ABCG1: variants seen among roughly 807,000 people sequenced by gnomAD.
ABCG1 encodes the protein ATP-binding cassette sub-family G member 1.
In ABCG1, 29 loss-of-function variants were observed where a neutral mutation model predicts 69.2. The ratio of observed to expected loss-of-function variants is 0.42; its 90% CI spans 0.31 to 0.57. ABCG1 has a LOEUF of 0.57. Among genes scored for constraint, ABCG1 ranks in the 20% least tolerant of loss-of-function variants. ABCG1 has a pLI of 0.15. For synonymous variants in ABCG1, 370 were observed against 374.8 expected (o/e 0.99, Z 0.15); for missense variants, 718 against 898.1 (o/e 0.80, Z 2.56).
chr21:42,284,294 C>G (rs926281189), intron 6 of ABCG1, among the ~76,000 whole-genome samples: 2 of 150,408 alleles, frequency 1.3e-5, no homozygotes, highest in Admixed American at 6.6e-5. Context: ...GACCCCCCCC[C>G]AGTCCTGGAC....
At chr21:42,294,513 A>T in intron 13 of ABCG1, 29 bp from the exon 14 acceptor site, 2 of 1,574,256 alleles carry the variant, frequency 1.3e-6, no homozygotes, top group Non-Finnish European at 1.7e-6. Flanking sequence ...AGGTTCTGCT[A>T]CATCTGTCCT....
At position 42,276,746 on chromosome 21, in the gene ABCG1, C is replaced by A; in HGVS notation, c.538-149C>A. 1.3e-6 allele frequency: 1 copy of A among 742,072 alleles called. No homozygotes were observed. The highest frequency in any genetic ancestry group is 2.3e-6 in the Non-Finnish European group (1 of 434,566). 46.0% of individuals were successfully genotyped at this position (742,072 alleles called of 1,614,324 possible). A position where few individuals can be genotyped will look rare whatever the true frequency, so the allele number is the denominator to read the frequency against. On this transcript the variant is annotated intron_variant, in intron 4 of 14. Coordinates refer to ENST00000398449, the MANE Select transcript of ABCG1 (RefSeq NM_016818.3). The surrounding 1 kb of genome is among the most constrained non-coding windows in gnomAD (Gnocchi z 5.3). ...CCGTGGCTAGCGGCATTGTGGCTAG[C>A]TGCACTGTGGGTAGCTGCACCGTGG...
chr21:42,284,555 T>G lies in ABCG1; in HGVS notation c.735-5T>G. ...AGGCGTCTCACGGTGCCTCTTGACT[T>G]GCAGCGGCCTGGACAGCGCCTCCTG... On this transcript the variant is annotated splice_region_variant and splice_polypyrimidine_tract_variant and intron_variant, in intron 6 of 14. Coordinates refer to ENST00000398449, the MANE Select transcript of ABCG1 (RefSeq NM_016818.3). 6.2e-7 allele frequency: 1 copy of G among 1,612,672 alleles called. No homozygotes were observed. The highest frequency in any genetic ancestry group is 1.1e-5 in the South Asian group (1 of 91,072).
At position 42,219,222 on chromosome 21, in the gene ABCG1, C is replaced by CCCCCCG; in HGVS notation, c.-39_-38insCCCGCC. On this transcript the variant is annotated 5_prime_UTR_variant, in exon 1 of 15. Transcript: ENST00000398449. The surrounding 1 kb of genome is among the most constrained non-coding windows in gnomAD (Gnocchi z 5.3). ...TCGGCCCCGCAGCTCAAGCCTCGTCCCCGCCGCCGCCGCCGCCGCCGCCGC... is the reference window on the plus strand; with the variant it reads ...TCGGCCCCGCAGCTCAAGCCTCGTCCCCCCCGCCGCCGCCGCCGCCGCCGCCGCCGC... The CCCCCCG allele has an allele frequency of 6.8e-7, 1 of 1,474,026 alleles. No homozygotes were observed. Among genetic ancestry groups the CCCCCCG allele is most frequent in the Admixed American group, 2.2e-5 (1 of 45,340 alleles). The allele number at this position is 1,474,026 out of a possible 1,614,324, so 91.3% of individuals were successfully genotyped here. A position where few individuals can be genotyped will look rare whatever the true frequency, so the allele number is the denominator to read the frequency against.
chr21:42,280,695 G>T (rs967111321), intron 5 of ABCG1, among the ~76,000 whole-genome samples: 1 of 152,210 alleles, frequency 6.6e-6, no homozygotes, highest in African/African-American at 2.4e-5. Context: ...AGCGGCCTCC[G>T]CTTCCAGCAT....
In ABCG1 at chr21:42,276,602, G is replaced by A. The variant is rs745614990; in HGVS notation, c.538-293G>A. The A allele has an allele frequency of 4.2e-5, 17 of 405,010 alleles. No homozygotes were observed. Among genetic ancestry groups the A allele is most frequent in the African/African-American group, 1.8e-4 (9 of 49,386 alleles). 25.1% of individuals were successfully genotyped at this position (405,010 alleles called of 1,614,324 possible). ...TTCCATGATGATCAGCTAGCTGCACGGTGGCTAGTGGCACCGTGGCTAGCT... is the reference window on the plus strand; with the variant it reads ...TTCCATGATGATCAGCTAGCTGCACAGTGGCTAGTGGCACCGTGGCTAGCT... On this transcript the variant is annotated intron_variant, in intron 4 of 14. Coordinates refer to ENST00000398449, the MANE Select transcript of ABCG1 (RefSeq NM_016818.3). The surrounding 1 kb of genome is among the most constrained non-coding windows in gnomAD (Gnocchi z 5.3).
upstream of ABCG1, among the ~76,000 whole-genome samples, chr21:42,217,679 CTTTTTTTTTTTT>C (rs71190409): frequency 9.1e-4 from 56 of 61,630 alleles, no homozygotes; most frequent in South Asian, 0.012. Flanking sequence ...TGGATCTACT[CTTTTTTTTTTTT>C]TTTTTTTTTT....
chr21:42,205,561 G>T (rs1043615602), intron 2 of ABCG1, among the ~76,000 whole-genome samples: 28 of 150,916 alleles, frequency 1.9e-4, no homozygotes, highest in African/African-American at 6.8e-4. Flanking sequence ...TCATGACACT[G>T]CGCTCCAGCC....
chr21:42,250,596 C>T (rs1418993009), intron 2 of ABCG1, among the ~76,000 whole-genome samples: 8 of 152,220 alleles, frequency 5.3e-5, no homozygotes, highest in African/African-American at 1.4e-4. Context: ...CTGCAGGCCT[C>T]CTCTGGTGGC....
At chr21:42,217,803 T>C (rs1443604159), upstream of ABCG1, among the ~76,000 whole-genome samples, 1 of 146,616 alleles carries the variant, frequency 6.8e-6, no homozygotes, top group Non-Finnish European at 1.5e-5. Context: ...GCCATTCTCC[T>C]GCCTCAGCCT....
chr21:42,247,583 T>A (rs2068152357), intron 2 of ABCG1, among the ~76,000 whole-genome samples: 1 of 151,886 alleles, frequency 6.6e-6, no homozygotes, highest in South Asian at 2.1e-4. Flanking sequence ...GACTATGGTG[T>A]AGTGGGTTGA....
In ABCG1 at chr21:42,199,763, T is replaced by A. The variant is rs115059726; in HGVS notation, c.-186T>A. ...GGTGAAAACTGAAATTTTGTCCCAC[T>A]TAAGGGAGTTTCTTCTTCCCTTTAT... On this transcript the variant is annotated 5_prime_UTR_variant, in exon 1 of 16. Transcript: ENST00000398457. 207 of 152,372 alleles carry A rather than the reference T, an allele frequency of 1.4e-3. 2 individuals are homozygous for A. The highest frequency in any genetic ancestry group is 4.5e-3 in the African/African-American group (189 of 41,596). 9.4% of individuals were successfully genotyped at this position (152,372 alleles called of 1,614,324 possible).
chr21:42,206,112 ACTTTGGGAGG>A (rs1414422126), intron 2 of ABCG1, among the ~76,000 whole-genome samples: 5 of 152,138 alleles, frequency 3.3e-5, no homozygotes, highest in African/African-American at 1.2e-4. Flanking sequence ...TAATCCCAGC[ACTTTGGGAGG>A]CTGAGGTGGG....
Position 42,296,230 on chromosome 21 carries a change from C to A in ABCG1, c.1839C>A (p.Ile613=), listed in dbSNP as rs543694034. 1.2e-6 allele frequency: 2 copies of A among 1,614,120 alleles called. No homozygotes were observed. The highest frequency in any genetic ancestry group is 8.5e-7 in the Non-Finnish European group (1 of 1,180,036). The change falls in exon 15 of 15, where the codon ATC becomes ATA. Residue 613 remains isoleucine, a synonymous_variant. Transcript: ENST00000398449. This position sits in a 1 kb window ranked among gnomAD's most constrained non-coding sequence, Gnocchi z 5.4. ...ACCGGGAAGATCTGCACTGTGACAT[C>A]GACGAGACGTGCCACTTCCAGAAGT... ...GLDREDLHCD[I]DETCHFQKSE...
At chr21:42,202,648 G>C (rs2067515584) in intron 2 of ABCG1, among the ~76,000 whole-genome samples, 1 of 149,230 alleles carries the variant, frequency 6.7e-6, no homozygotes, top group African/African-American at 2.5e-5. Flanking sequence ...GTCTCGCTCT[G>C]TCACCCAGGC....
At position 42,287,702 on chromosome 21, in the gene ABCG1, C is replaced by T. The variant is rs1296757154; in HGVS notation, c.974-187C>T. Among the ~76,000 whole-genome samples the T allele has an allele frequency of 6.6e-6, 1 of 152,188 alleles. No individual in the cohort carries two copies. Among genetic ancestry groups the T allele is most frequent in the Non-Finnish European group, 1.5e-5 (1 of 68,024 alleles). On this transcript the variant is annotated intron_variant, in intron 8 of 14. Coordinates refer to ENST00000398449, the MANE Select transcript of ABCG1 (RefSeq NM_016818.3). This position sits in a 1 kb window ranked among gnomAD's most constrained non-coding sequence, Gnocchi z 6.2. Reference sequence around the variant, plus strand: ...TCCCGTCTCCTGACATGATAAAGGGCCTTGCTGGGGGGTTTGAGAGCCGCA... The same window carrying T: ...TCCCGTCTCCTGACATGATAAAGGGTCTTGCTGGGGGGTTTGAGAGCCGCA...
Position 42,204,883 on chromosome 21 carries a change from ATGAAT to A in ABCG1, c.48+3164_48+3168del, listed in dbSNP as rs542709704. 5.9e-3 allele frequency among the ~76,000 whole-genome samples: 906 copies of A among 152,328 alleles called. 2 individuals are homozygous for A. The highest frequency in any genetic ancestry group is 8.6e-3 in the Non-Finnish European group (583 of 68,020). ...TACCTGGGTATGCTAACTAAATAAA[ATGAAT>A]TGAGAAGTATTTCTTCCTCTTCTGT... On this transcript the variant is annotated intron_variant, in intron 2 of 15. Coordinates refer to the ABCG1 transcript ENST00000398457.
In ABCG1 at chr21:42,273,372, G is replaced by T. The variant is rs1207286104; in HGVS notation, c.474G>T (p.Val158=). The change falls in exon 4 of 15, where the codon GTG becomes GTT. Residue 158 remains valine, a synonymous_variant. Coordinates refer to ENST00000398449, the MANE Select transcript of ABCG1 (RefSeq NM_016818.3). This position sits in a 1 kb window ranked among gnomAD's most constrained non-coding sequence, Gnocchi z 5.3. Reference sequence around the variant, plus strand: ...GGGACCTGCGCTGCTTCCGGAAGGTGTCCTGCTACATCATGCAGGATGACA... The same window carrying T: ...GGGACCTGCGCTGCTTCCGGAAGGTTTCCTGCTACATCATGCAGGATGACA... ...LPRDLRCFRK[V]SCYIMQDDML... is the part of the protein sequence containing the mutation. 1 of 1,613,836 alleles carries T rather than the reference G, an allele frequency of 6.2e-7. No individual in the cohort carries two copies. Among genetic ancestry groups the T allele is most frequent in the Non-Finnish European group, 8.5e-7 (1 of 1,180,014 alleles).
chr21:42,246,746 G>T (rs2068139862), intron 2 of ABCG1, among the ~76,000 whole-genome samples: 1 of 152,138 alleles, frequency 6.6e-6, no homozygotes, highest in Non-Finnish European at 1.5e-5. Context: ...AGAAACCCAA[G>T]GCGCAGGCTG....
Sources: gnomAD v4.1 joint callset for allele counts (sites outside exome capture counted in the v4.1 genomes callset) on GRCh38, gnomAD v4.1.1 for gene constraint, Gnocchi (gnomAD v3.1) non-coding constraint, MANE v1.5 for transcripts, NCBI Gene and HGNC (gene_info 2026-07-23, HGNC 2026-07-21) for gene names.